Variants in TSHZ2 observed in about 807,000 individuals in gnomAD.
The protein encoded by TSHZ2 is teashirt zinc finger homeobox 2, also known as teashirt homolog 2.
In TSHZ2, 21 loss-of-function variants were observed where a neutral mutation model predicts 74.4. That is an observed-to-expected ratio of 0.28 (90% CI 0.20 to 0.41). TSHZ2 has a LOEUF of 0.41. Among genes scored for constraint, TSHZ2 ranks in the 10% least tolerant of loss-of-function variants. The pLI, the probability that TSHZ2 is intolerant of heterozygous loss-of-function variation, is 1.00. For synonymous variants in TSHZ2, 540 were observed against 515.3 expected, an observed-to-expected ratio of 1.05 and a Z score of -0.65; for missense variants, 1,244 against 1,293.5, an observed-to-expected ratio of 0.96 and a Z score of 0.59.
chr20:53,224,517 C>T (rs1427589363), intron 1 of TSHZ2, among the ~76,000 whole-genome samples: 1 of 152,122 alleles, frequency 6.6e-6, no homozygotes, highest in Non-Finnish European at 1.5e-5. Flanking sequence ...GGGAGAATAA[C>T]TGTGAAATGT....
intron 1 of TSHZ2, among the ~76,000 whole-genome samples, chr20:53,024,373 C>A (rs567429715): frequency 2.3e-4 from 35 of 150,782 alleles, no homozygotes; most frequent in African/African-American, 8.0e-4. Flanking sequence ...GCCTTGGAAC[C>A]AGGCATACGT....
intron 2 of TSHZ2, among the ~76,000 whole-genome samples, chr20:53,434,212 TACC>T (rs1983956015): frequency 6.6e-6 from 1 of 152,210 alleles, no homozygotes; most frequent in Non-Finnish European, 1.5e-5. Context: ...TTACTGCTAC[TACC>T]ACCACCACAA....
chr20:53,001,230 G>GTGTGTATATGTGTGTGTGTGTGTGTGTA (rs755040371), intron 1 of TSHZ2, among the ~76,000 whole-genome samples: 1 of 126,114 alleles, frequency 7.9e-6, no homozygotes, highest in African/African-American at 3.0e-5. Context: ...GTGTGTGTGT[G>GTGTGTATATGTGTGTGTGTGTGTGTGTA]TGTGTGTGTG....
At chr20:53,381,808 G>A (rs1171451695) in intron 2 of TSHZ2, among the ~76,000 whole-genome samples, 1 of 152,116 alleles carries the variant, frequency 6.6e-6, no homozygotes, top group Non-Finnish European at 1.5e-5. Context: ...CTACTGGCAG[G>A]TAGTAGGGAC....
intron 1 of TSHZ2, among the ~76,000 whole-genome samples, chr20:53,243,071 TG>T (rs1348379265): frequency 6.6e-6 from 1 of 151,924 alleles, no homozygotes; most frequent in East Asian, 1.9e-4. Flanking sequence ...GAGGAGTAAG[TG>T]GGGGAGGGTA....
chr20:53,408,327 G>A (rs1383997415), intron 2 of TSHZ2, among the ~76,000 whole-genome samples: 1 of 152,214 alleles, frequency 6.6e-6, no homozygotes, highest in Non-Finnish European at 1.5e-5. Context: ...CATTAGTGGA[G>A]AAAAGCAACC....
At chr20:53,062,222 C>T (rs1484752028) in intron 1 of TSHZ2, among the ~76,000 whole-genome samples, 1 of 152,124 alleles carries the variant, frequency 6.6e-6, no homozygotes, top group East Asian at 1.9e-4. Context: ...TTGTGCCTTC[C>T]CTACAGGGCT....
At chr20:53,138,644 G>C (rs1466575193) in intron 1 of TSHZ2, among the ~76,000 whole-genome samples, 1 of 151,986 alleles carries the variant, frequency 6.6e-6, no homozygotes, top group Non-Finnish European at 1.5e-5. Context: ...CTACCTGATG[G>C]ACTTCTATAT....
intron 1 of TSHZ2, among the ~76,000 whole-genome samples, chr20:53,057,644 C>T (rs1984686029): frequency 6.6e-6 from 1 of 152,056 alleles, no homozygotes; most frequent in South Asian, 2.1e-4. Flanking sequence ...TTTTTAGAGG[C>T]CCAGGAGAAG....
At chr20:53,022,584 C>T (rs565844960) in intron 1 of TSHZ2, among the ~76,000 whole-genome samples, 2 of 152,188 alleles carry the variant, frequency 1.3e-5, no homozygotes, top group South Asian at 2.1e-4. Context: ...ATATCTGCAC[C>T]GTTTGCTCAA....
At chr20:53,224,297 A>G (rs998810655) in intron 1 of TSHZ2, among the ~76,000 whole-genome samples, 23 of 152,218 alleles carry the variant, frequency 1.5e-4, no homozygotes, top group African/African-American at 5.5e-4. Flanking sequence ...GAGATGTTAC[A>G]TGAGAGACTG....
At chr20:53,459,245 A>G (rs1048007508) in intron 2 of TSHZ2, among the ~76,000 whole-genome samples, 1 of 152,144 alleles carries the variant, frequency 6.6e-6, no homozygotes, top group Non-Finnish European at 1.5e-5. Flanking sequence ...GTGCTCCTGT[A>G]TTGGGTGCAT....
In TSHZ2 at chr20:53,359,486, C is replaced by T. The variant is rs556478960; in HGVS notation, c.*8+102915C>T. Reference sequence around the variant, plus strand: ...AACATACTTAAACAAAAATATTACACGTTGTTTATCTGAAACTCACATTTA... The same window carrying T: ...AACATACTTAAACAAAAATATTACATGTTGTTTATCTGAAACTCACATTTA... On this transcript the variant is annotated intron_variant, in intron 2 of 2. Transcript: ENST00000371497. 4.3e-4 allele frequency among the ~76,000 whole-genome samples: 65 copies of T among 152,300 alleles called. 1 individual carries two copies. The highest frequency in any genetic ancestry group is 1.5e-3 in the African/African-American group (61 of 41,572).
At chr20:53,002,663 AAAAG>A (rs907384109) in intron 1 of TSHZ2, among the ~76,000 whole-genome samples, 1 of 152,006 alleles carries the variant, frequency 6.6e-6, no homozygotes, top group African/African-American at 2.4e-5. Context: ...AAATTTATAA[AAAAG>A]AACAGGATGC....
intron 2 of TSHZ2, among the ~76,000 whole-genome samples, chr20:53,339,827 C>G (rs971737072): frequency 6.6e-6 from 1 of 152,144 alleles, no homozygotes; most frequent in Non-Finnish European, 1.5e-5. Context: ...GTTATTGCTA[C>G]TCCTAAATCC....
At chr20:53,063,144 G>C (rs1046448492) in intron 1 of TSHZ2, among the ~76,000 whole-genome samples, 1 of 152,134 alleles carries the variant, frequency 6.6e-6, no homozygotes, top group East Asian at 1.9e-4. Flanking sequence ...GTCTGGCACA[G>C]AGACTTGAAG....
At chr20:53,161,092 G>A (rs1483815070) in intron 1 of TSHZ2, among the ~76,000 whole-genome samples, 1 of 116,360 alleles carries the variant, frequency 8.6e-6, no homozygotes, top group African/African-American at 3.5e-5. Context: ...AGACTCCTTT[G>A]ATTGTACATG....
At chr20:53,392,205 A>C (rs1224819626) in intron 2 of TSHZ2, among the ~76,000 whole-genome samples, 1 of 152,160 alleles carries the variant, frequency 6.6e-6, no homozygotes, top group Non-Finnish European at 1.5e-5. Flanking sequence ...CTGTAATCCC[A>C]GCACCAAGGC....
At position 53,360,788 on chromosome 20, in the gene TSHZ2, A is replaced by G. The variant is rs143010154; in HGVS notation, c.*8+104217A>G. ...TTGTAAACAATAGACCTGGAGTATC[A>G]AACCCAGGCAGTTTGACTTCAAAGT... On this transcript the variant is annotated intron_variant, in intron 2 of 2. Transcript: ENST00000371497. 3.5e-3 allele frequency among the ~76,000 whole-genome samples: 540 copies of G among 152,350 alleles called. 3 individuals are homozygous for G. The highest frequency in any genetic ancestry group is 0.012 in the African/African-American group (517 of 41,582).
Sources: allele counts gnomAD v4.1 joint callset (sites outside exome capture counted in the v4.1 genomes callset), GRCh38; gene constraint gnomAD v4.1.1; transcripts MANE v1.5; gene names NCBI Gene and HGNC (gene_info 2026-07-23, HGNC 2026-07-21).